Variants in ABCA9 observed in about 807,000 individuals in gnomAD.
ABCA9 encodes ATP binding cassette subfamily A member 9.
A neutral mutation model predicts 205.3 loss-of-function variants in ABCA9; 183 were observed. That is an observed-to-expected ratio of 0.89 (90% CI 0.79 to 1.01). ABCA9 has a LOEUF of 1.01. Ranked by LOEUF, ABCA9 falls within the 50% of genes least tolerant of loss-of-function variation. The probability of loss-of-function intolerance (pLI) is 0.00; values close to 1 mark genes in which losing one functional copy is unlikely to be tolerated. For synonymous variants in ABCA9, 651 were observed against 683.3 expected (o/e 0.95, Z 0.74); for missense variants, 1,805 against 1,912.4 (o/e 0.94, Z 1.05).
intron 34 of ABCA9, 44 bp from the exon 35 acceptor site, chr17:68,984,219 A>G (rs763097399): frequency 1.9e-6 from 3 of 1,597,566 alleles, no homozygotes; most frequent in South Asian, 1.1e-5. Context: ...GGGAATGCTC[A>G]AGGTATTTGG....
the ABCA9 span, among the ~76,000 whole-genome samples, chr17:69,068,076 A>AT: frequency 9.9e-5 from 15 of 152,134 alleles, no homozygotes; most frequent in Middle Eastern, 3.2e-3. Flanking sequence ...TATATGTTAG[A>AT]TTTTGCCTAG....
Position 68,976,181 on chromosome 17 carries a change from C to T in ABCA9, c.4730G>A (p.Ser1577Asn), listed in dbSNP as rs754389074. The T allele has an allele frequency of 7.4e-6, 12 of 1,613,796 alleles. No homozygotes were observed. ...AFFKLEIVKQ[S>N]FDLEEYSLSQ... is the part of the protein sequence containing the mutation. The stretch of plus-strand genomic sequence containing the variant: ...GAGGCTGTACTCCTCCAGGTCGAAA[C>T]TCTGTTTAACTGCATAAGAATGAGC... The change falls in exon 38 of 39, where the codon AGT (serine) becomes AAT (asparagine). Residue 1577 changes from serine (S) to asparagine (N), a missense_variant. Transcript: ENST00000340001.
rs112499807 is a variant in ABCA9 at position 69,007,825 on chromosome 17, A to G, written c.3369T>C (p.Tyr1123=). 11,656 of 1,611,718 alleles carry G rather than the reference A, an allele frequency of 7.2e-3. 55 individuals carry two copies. The highest frequency in any genetic ancestry group is 7.8e-3 in the Non-Finnish European group (9,185 of 1,178,418). Reference sequence around the variant, plus strand: ...CATTGCGAAAAATGAATGAAATCACATATGTCAAGAAAACAAGAGATGAGA... The same window carrying G: ...CATTGCGAAAAATGAATGAAATCACGTATGTCAAGAAAACAAGAGATGAGA... The part of the protein sequence containing the change: ...GYVSSLVFLT[Y]VISFIFRNGR... Residue 1123 remains tyrosine, a synonymous_variant, in exon 25 of 39, where the codon TAT becomes TAC. Coordinates refer to ENST00000340001, the MANE Select transcript of ABCA9 (RefSeq NM_080283.4).
At chr17:69,034,112 T>C (rs1598397142) in intron 8 of ABCA9, among the ~76,000 whole-genome samples, 1 of 152,210 alleles carries the variant, frequency 6.6e-6, no homozygotes, top group Non-Finnish European at 1.5e-5. Context: ...CAGCCCCAGG[T>C]ACATTTTCTA....
chr17:69,034,357 G>A lies in ABCA9; in HGVS notation c.1129-484C>T, dbSNP rs558944003. On this transcript the variant is annotated intron_variant, in intron 8 of 38. Transcript: ENST00000340001. ...CCACATCAGCCTCCAGAGTAGCTAGGACTACAGATGCACTCCACCATGACT... is the reference window on the plus strand; with the variant it reads ...CCACATCAGCCTCCAGAGTAGCTAGAACTACAGATGCACTCCACCATGACT... 3.9e-5 allele frequency among the ~76,000 whole-genome samples: 6 copies of A among 152,182 alleles called. No individual in the cohort carries two copies. In the Middle Eastern group the frequency reaches 0.01, roughly 259 times the overall value.
At chr17:69,003,125 T>G (rs2144131697) in intron 25 of ABCA9, among the ~76,000 whole-genome samples, 1 of 151,760 alleles carries the variant, frequency 6.6e-6, no homozygotes, top group South Asian at 2.1e-4. Context: ...ACATTTAAAG[T>G]TAATAGTGTT....
At chr17:69,016,981 GTGTAT>G (rs1427525644) in intron 21 of ABCA9, among the ~76,000 whole-genome samples, 1 of 152,022 alleles carries the variant, frequency 6.6e-6, no homozygotes, top group Non-Finnish European at 1.5e-5. Context: ...AATAAATCAA[GTGTAT>G]TGTATTTAAC....
intron 1 of ABCA9, among the ~76,000 whole-genome samples, chr17:69,056,369 A>G (rs1367877276): frequency 6.6e-6 from 1 of 152,228 alleles, no homozygotes; most frequent in African/African-American, 2.4e-5. Context: ...GAGGACAATC[A>G]AAGAATATTA....
At chr17:69,030,723 C>T (rs1254216432) in intron 10 of ABCA9, among the ~76,000 whole-genome samples, 1 of 152,152 alleles carries the variant, frequency 6.6e-6, no homozygotes, top group East Asian at 1.9e-4. Context: ...TAGGTATCAG[C>T]TTGCTTTATT....
intron 22 of ABCA9, among the ~76,000 whole-genome samples, chr17:69,015,032 C>G (rs2070532902): frequency 6.6e-6 from 1 of 152,146 alleles, no homozygotes; most frequent in Non-Finnish European, 1.5e-5. Flanking sequence ...GTCTCCCCAG[C>G]ACCAGTTCCA....
intron 36 of ABCA9, among the ~76,000 whole-genome samples, chr17:68,983,018 TA>T (rs954748088): frequency 6.6e-6 from 1 of 151,584 alleles, no homozygotes; most frequent in African/African-American, 2.4e-5. Flanking sequence ...AAAATGAAAA[TA>T]AAAAAATGAA....
intron 25 of ABCA9, among the ~76,000 whole-genome samples, chr17:69,004,558 T>A (rs1284056260): frequency 1.3e-5 from 2 of 152,242 alleles, no homozygotes; most frequent in African/African-American, 4.8e-5. Context: ...GTTACTGCTG[T>A]CTTTTTGTTT....
intron 31 of ABCA9, chr17:68,986,802 T>C (rs1003634645): frequency 6.6e-6 from 1 of 152,564 alleles, no homozygotes; most frequent in African/African-American, 2.4e-5. Flanking sequence ...GGGAAAACAG[T>C]ATTACTGGCA....
At chr17:68,996,146 AT>A (rs1197674467) in intron 25 of ABCA9, 132 bp from the exon 26 acceptor site, 1 of 864,484 alleles carries the variant, frequency 1.2e-6, no homozygotes, top group East Asian at 2.7e-5. Flanking sequence ...TATTTATATC[AT>A]TTCTTTCCTT....
At chr17:69,026,680 A>AATT (rs1248655128) in intron 15 of ABCA9, among the ~76,000 whole-genome samples, 1 of 152,208 alleles carries the variant, frequency 6.6e-6, no homozygotes, top group African/African-American at 2.4e-5. Context: ...TATTGAGAAA[A>AATT]ATTATACATT....
rs778733928 is a variant in ABCA9 at position 69,016,311 on chromosome 17, A to G, written c.2981T>C (p.Leu994Pro). The G allele has an allele frequency of 5.0e-6, 8 of 1,602,226 alleles. No homozygotes were observed. In the African/African-American group the frequency reaches 9.5e-5, roughly 19 times the overall value. Residue 994 changes from leucine (L) to proline (P), a missense_variant, in exon 22 of 39, where the codon CTA (leucine) becomes CCA (proline). Coordinates refer to ENST00000340001, the MANE Select transcript of ABCA9 (RefSeq NM_080283.4). ...PVLLDVISNG[L>P]LGIFNSSEHI... is the part of the protein sequence containing the mutation. Reference sequence around the variant, plus strand: ...TTCTGACGAATTAAAAATTCCAAGTAGTCCATTGCTAATGACATCCAGGAG... The same window carrying G: ...TTCTGACGAATTAAAAATTCCAAGTGGTCCATTGCTAATGACATCCAGGAG...
At chr17:69,077,430 G>A in the ABCA9 span, among the ~76,000 whole-genome samples, 1 of 152,102 alleles carries the variant, frequency 6.6e-6, no homozygotes. Flanking sequence ...CTGAGCATGT[G>A]GCCAATCTTG....
At chr17:69,028,815 AG>A in intron 11 of ABCA9, among the ~76,000 whole-genome samples, 170 bp from the exon 12 acceptor site, 1 of 152,236 alleles carries the variant, frequency 6.6e-6, no homozygotes, top group Non-Finnish European at 1.5e-5. Context: ...TTGTAGTGAT[AG>A]TATTGTCAAT....
chr17:69,016,178 CATT>C, intron 22 of ABCA9, 72 bp downstream of exon 22: 5 of 1,106,232 alleles, frequency 4.5e-6, no homozygotes, highest in East Asian at 5.8e-5. Flanking sequence ...AGTAATATAA[CATT>C]ATTTTAGCAT....
Sources: allele counts gnomAD v4.1 joint callset (sites outside exome capture counted in the v4.1 genomes callset), GRCh38; gene constraint gnomAD v4.1.1; transcripts MANE v1.5; gene names NCBI Gene and HGNC (gene_info 2026-07-23, HGNC 2026-07-21).